SOD3: variants seen among roughly 807,000 people sequenced by gnomAD.
SOD3 encodes superoxide dismutase 3, also known as extracellular superoxide dismutase [Cu-Zn].
SOD3 carries 3 observed loss-of-function variants against 2.6 expected under a neutral mutation model. That is an observed-to-expected ratio of 1.13 (90% CI 0.52 to 2.93). SOD3 has a LOEUF of 2.93. SOD3 is among the 30% of genes most tolerant of loss of function. The pLI, the probability that SOD3 is intolerant of heterozygous loss-of-function variation, is 0.04. For synonymous variants in SOD3, 188 were observed against 177.5 expected, an observed-to-expected ratio of 1.06 and a Z score of -0.47; for missense variants, 379 against 370.4, an observed-to-expected ratio of 1.02 and a Z score of -0.19.
chr4:24,798,356 C>A (rs1713733049), intron 1 of SOD3, among the ~76,000 whole-genome samples: 2 of 152,186 alleles, frequency 1.3e-5, no homozygotes, highest in Admixed American at 1.3e-4. Context: ...CACCCTCCCT[C>A]CACTCAGTCT....
At chr4:24,799,185 C>G (rs911987072) in intron 1 of SOD3, among the ~76,000 whole-genome samples, 18 of 152,100 alleles carry the variant, frequency 1.2e-4, no homozygotes, top group African/African-American at 4.3e-4. Flanking sequence ...CTGGAAGGGC[C>G]ATGAGACACC....
intron 1 of SOD3, among the ~76,000 whole-genome samples, chr4:24,796,170 A>G (rs1169473970): frequency 1.3e-5 from 2 of 151,892 alleles, no homozygotes; most frequent in African/African-American, 4.8e-5. Flanking sequence ...TTGGTTCAGG[A>G]TAAGGGCCCC....
At chr4:24,795,928 A>G (rs1713644425) in intron 1 of SOD3, among the ~76,000 whole-genome samples, 1 of 152,122 alleles carries the variant, frequency 6.6e-6, no homozygotes, top group Admixed American at 6.5e-5. Flanking sequence ...GTGACGAGAA[A>G]GGGGGCCTTT....
At chr4:24,799,400 C>A in intron 1 of SOD3, 106 bp from the exon 2 acceptor site, 3 of 1,340,668 alleles carry the variant, frequency 2.2e-6, no homozygotes, top group Non-Finnish European at 2.0e-6. Context: ...CCAGGAAGCC[C>A]ACTGGGGACT....
At chr4:24,796,550 G>A (rs1045919763) in intron 1 of SOD3, among the ~76,000 whole-genome samples, 10 of 133,658 alleles carry the variant, frequency 7.5e-5, no homozygotes, top group Non-Finnish European at 1.2e-4. Context: ...TCTACCTCCC[G>A]GGCTCAAGCG....
intron 1 of SOD3, among the ~76,000 whole-genome samples, chr4:24,798,043 C>A (rs914233419): frequency 6.6e-6 from 1 of 152,030 alleles, no homozygotes; most frequent in Non-Finnish European, 1.5e-5. Flanking sequence ...TCTTTCTTTT[C>A]TTTTCTTTCT....
Position 24,800,445 on chromosome 4 carries a change from G to A in SOD3, c.*201G>A. 6.7e-6 allele frequency: 3 copies of A among 444,852 alleles called. No individual in the cohort carries two copies. Among genetic ancestry groups the A allele is most frequent in the Non-Finnish European group, 1.2e-5 (3 of 258,090 alleles). 27.6% of individuals were successfully genotyped at this position (444,852 alleles called of 1,614,324 possible). A position where few individuals can be genotyped will look rare whatever the true frequency, so the allele number is the denominator to read the frequency against. On this transcript the variant is annotated 3_prime_UTR_variant, in exon 2 of 2. Transcript: ENST00000382120. ...CATCCTGAGGACCGCCCCAACCCTC[G>A]GAGCCCCCCACTCAGTAGGTCTGAA...
At position 24,799,614 on chromosome 4, in the gene SOD3, G is replaced by T; in HGVS notation, c.93G>T (p.Ser31=). The T allele has an allele frequency of 6.2e-7, 1 of 1,604,656 alleles. No individual in the cohort carries two copies. The highest frequency in any genetic ancestry group is 1.3e-5 in the African/African-American group (1 of 74,982). ...ACTCGGCGGAGCCCAACTCTGACTC[G>T]GCGGAGTGGATCCGAGACATGTACG... ...GEDSAEPNSD[S]AEWIRDMYAK... is the part of the protein sequence containing the mutation. The change falls in exon 2 of 2, where the codon TCG becomes TCT. Residue 31 remains serine, a synonymous_variant. Coordinates refer to ENST00000382120, the MANE Select transcript of SOD3 (RefSeq NM_003102.4).
chr4:24,800,153 G>T lies in SOD3; in HGVS notation c.632G>T (p.Gly211Val). Reference protein sequence around the residue: ...AGRRLACCVVGVCGPGLWERQ... With the variant: ...AGRRLACCVVVVCGPGLWERQ... ...CGGCGGCTGGCCTGCTGCGTGGTGG[G>T]CGTGTGCGGGCCCGGGCTCTGGGAG... The change falls in exon 2 of 2, where the codon GGC (glycine) becomes GTC (valine). Residue 211 changes from glycine to valine, a missense_variant. By Grantham distance (109) the Gly-to-Val change is moderately radical. Coordinates refer to ENST00000382120, the MANE Select transcript of SOD3 (RefSeq NM_003102.4). 1 of 1,393,180 alleles carries T rather than the reference G, an allele frequency of 7.2e-7. No individual in the cohort carries two copies. Among genetic ancestry groups the T allele is most frequent in the Middle Eastern group, 2.4e-4 (1 of 4,102 alleles). The allele number at this position is 1,393,180 out of a possible 1,614,324, so 86.3% of individuals were successfully genotyped here.
chr4:24,799,128 G>A (rs544769083), intron 1 of SOD3, among the ~76,000 whole-genome samples: 39 of 152,296 alleles, frequency 2.6e-4, no homozygotes, highest in Non-Finnish European at 8.8e-5. Context: ...GGGGAGGATG[G>A]AGGAAGAGGG....
intron 1 of SOD3, among the ~76,000 whole-genome samples, chr4:24,797,954 T>C (rs755110305): frequency 6.6e-6 from 1 of 152,190 alleles, no homozygotes; most frequent in African/African-American, 2.4e-5. Flanking sequence ...ACAGTTAGTA[T>C]AGGTTGGAAT....
Position 24,799,998 on chromosome 4 carries a change from C to T in SOD3, c.477C>T (p.Tyr159=). ...TCCGCGACGGCAGCCTCTGGAGGTA[C>T]CGCGCCGGCCTGGCCGCCTCGCTCG... ...FAVRDGSLWR[Y]RAGLAASLAG... Residue 159 remains tyrosine (Y), a synonymous_variant, in exon 2 of 2, where the codon TAC becomes TAT. Transcript: ENST00000382120. 1.9e-6 allele frequency: 3 copies of T among 1,567,014 alleles called. No homozygotes were observed. The highest frequency in any genetic ancestry group is 2.6e-6 in the Non-Finnish European group (3 of 1,165,914).
In SOD3 at chr4:24,800,123, C is replaced by A; in HGVS notation, c.602C>A (p.Ala201Glu). The A allele has an allele frequency of 7.3e-7, 1 of 1,376,750 alleles. No individual in the cohort carries two copies. Among genetic ancestry groups the A allele is most frequent in the South Asian group, 1.7e-5 (1 of 58,952 alleles). The allele number at this position is 1,376,750 out of a possible 1,614,324, so 85.3% of individuals were successfully genotyped here. The change falls in exon 2 of 2, where the codon GCG becomes GAG. Residue 201 changes from alanine (A) to glutamate (E), a missense_variant. By Grantham distance (107) the Ala-to-Glu change is moderately radical (BLOSUM62 -1). Transcript: ENST00000382120. ...CAGGCCAGCGTGGAGAACGGGAACG[C>A]GGGCCGGCGGCTGGCCTGCTGCGTG... is the stretch of plus-strand genomic sequence containing the variant. ...GNQASVENGN[A>E]GRRLACCVVG...
At chr4:24,799,446 T>C in intron 1 of SOD3, 60 bp from the exon 2 acceptor site, 1 of 1,551,054 alleles carries the variant, frequency 6.4e-7, no homozygotes, top group Admixed American at 1.9e-5. Context: ...GTCCCTGAGA[T>C]TCTATGTTTC....
In SOD3 at chr4:24,800,295, CT is replaced by C. The variant is rs1713852791; in HGVS notation, c.*54del. 3 of 1,359,448 alleles carry C rather than the reference CT, an allele frequency of 2.2e-6. No individual in the cohort carries two copies. The highest frequency in any genetic ancestry group is 3.1e-5 in the African/African-American group (2 of 64,680). The allele number at this position is 1,359,448 out of a possible 1,614,324, so 84.2% of individuals were successfully genotyped here. A position where few individuals can be genotyped will look rare whatever the true frequency, so the allele number is the denominator to read the frequency against. ...AGGGACCCCCGAGGCCCCCCTCTGC[CT>C]TTGAGCTTCTCCTCTGCTCCAACAG... is the stretch of plus-strand genomic sequence containing the variant. On this transcript the variant is annotated 3_prime_UTR_variant, in exon 2 of 2. Transcript: ENST00000382120.
At chr4:24,796,555 C>T (rs544605848) in intron 1 of SOD3, among the ~76,000 whole-genome samples, 32 of 148,302 alleles carry the variant, frequency 2.2e-4, no homozygotes, top group African/African-American at 7.2e-4. Flanking sequence ...CTCCCGGGCT[C>T]AAGCGATCCT....
Position 24,799,751 on chromosome 4 carries a change from G to C in SOD3, c.230G>C (p.Arg77Pro). 1 of 1,562,952 alleles carries C rather than the reference G, an allele frequency of 6.4e-7. No homozygotes were observed. Among genetic ancestry groups the C allele is most frequent in the Non-Finnish European group, 8.6e-7 (1 of 1,160,418 alleles). The change falls in exon 2 of 2, where the codon CGG becomes CCG. Residue 77 changes from arginine to proline, a missense_variant. Transcript: ENST00000382120. ...PSATLDAAQP[R>P]VTGVVLFRQL... ...GCCACGCTGGACGCCGCGCAGCCCC[G>C]GGTGACCGGCGTCGTCCTCTTCCGG...
Position 24,800,180 on chromosome 4 carries a change from G to A in SOD3, c.659G>A (p.Arg220His). The stretch of plus-strand genomic sequence containing the variant: ...GTGTGCGGGCCCGGGCTCTGGGAGC[G>A]CCAGGCGCGGGAGCACTCAGAGCGC... ...VGVCGPGLWE[R>H]QAREHSERKK... The change falls in exon 2 of 2, where the codon CGC becomes CAC. Residue 220 changes from arginine to histidine, a missense_variant. Coordinates refer to ENST00000382120, the MANE Select transcript of SOD3 (RefSeq NM_003102.4). The A allele has an allele frequency of 2.1e-6, 3 of 1,422,016 alleles. No individual in the cohort carries two copies. The highest frequency in any genetic ancestry group is 2.7e-6 in the Non-Finnish European group (3 of 1,095,672). 88.1% of individuals were successfully genotyped at this position (1,422,016 alleles called of 1,614,324 possible).
rs753927993 is a variant in SOD3, at chr4:24,799,789, C to T, written c.268C>T (p.Arg90Cys). The change falls in exon 2 of 2, where the codon CGC becomes TGC. Residue 90 changes from arginine to cysteine, a missense_variant. Physicochemically the swap from Arg to Cys is radical, Grantham distance 180. Transcript: ENST00000382120. ...CGTCCTCTTCCGGCAGCTTGCGCCC[C>T]GCGCCAAGCTCGACGCCTTCTTCGC... ...GVVLFRQLAP[R>C]AKLDAFFALE... 6.3e-7 allele frequency: 1 copy of T among 1,585,060 alleles called. No individual in the cohort carries two copies. Among genetic ancestry groups the T allele is most frequent in the Non-Finnish European group, 8.5e-7 (1 of 1,172,244 alleles).
Sources: gnomAD v4.1 joint callset for allele counts (sites outside exome capture counted in the v4.1 genomes callset) on GRCh38, gnomAD v4.1.1 for gene constraint, MANE v1.5 for transcripts, NCBI Gene and HGNC (gene_info 2026-07-23, HGNC 2026-07-21) for gene names.